MBTPS1: variants seen among roughly 807,000 people sequenced by gnomAD.
The protein encoded by MBTPS1 is membrane bound transcription factor peptidase, site 1, also known as membrane-bound transcription factor site-1 protease.
A neutral mutation model predicts 127.8 loss-of-function variants in MBTPS1; 94 were observed. That is an observed-to-expected ratio of 0.74 (90% confidence interval 0.62 to 0.87). MBTPS1 has a LOEUF of 0.87. Among genes scored for constraint, MBTPS1 ranks in the 40% least tolerant of loss-of-function variants. The pLI is 0.00. For missense variants in MBTPS1, 1,636 were observed against 1,353.2 expected (o/e 1.21, Z -3.28); for synonymous variants, 632 against 509.4 (o/e 1.24, Z -3.24).
intron 1 of MBTPS1, among the ~76,000 whole-genome samples, chr16:84,102,406 T>C (rs1166610243): frequency 2.6e-5 from 4 of 152,226 alleles, no homozygotes; most frequent in Non-Finnish European, 5.9e-5. Flanking sequence ...ATGAAACATA[T>C]TATTTCATTT....
chr16:84,106,688 G>A (rs545809991), intron 1 of MBTPS1, among the ~76,000 whole-genome samples: 12 of 152,344 alleles, frequency 7.9e-5, no homozygotes, highest in Admixed American at 2.0e-4. Flanking sequence ...TCCTGAGCAC[G>A]TGTGGCTTGT....
chr16:84,087,318 T>C, intron 9 of MBTPS1, 40 bp downstream of exon 9: 1 of 1,509,022 alleles, frequency 6.6e-7, no homozygotes. Flanking sequence ...CACAGTAGTT[T>C]GTCCAGCTAA....
chr16:84,095,888 A>G, intron 3 of MBTPS1, 83 bp from the exon 4 acceptor site: 2 of 1,104,248 alleles, frequency 1.8e-6, no homozygotes, highest in East Asian at 2.4e-5. Flanking sequence ...TCCTAAACAC[A>G]GGGAGGATTA....
intron 6 of MBTPS1, among the ~76,000 whole-genome samples, chr16:84,092,768 G>A (rs2086126736): frequency 6.6e-6 from 1 of 152,232 alleles, no homozygotes; most frequent in Non-Finnish European, 1.5e-5. Flanking sequence ...CACAATGCCA[G>A]GTGTCGGGAC....
At chr16:84,057,564 G>A (rs3785015) in intron 21 of MBTPS1, 49,070 of 152,106 alleles carry the variant, frequency 0.32, 8,467 homozygotes, top group Admixed American at 0.43. Flanking sequence ...TGATGCCAAC[G>A]AAGAAGCCCA....
chr16:84,083,396 G>A (rs550976342), intron 10 of MBTPS1, among the ~76,000 whole-genome samples: 4 of 152,104 alleles, frequency 2.6e-5, no homozygotes, highest in African/African-American at 9.7e-5. Context: ...ACATTCTCAA[G>A]AATTTGGCTG....
rs183514340 is a variant in MBTPS1 at position 84,063,971 on chromosome 16, G to C, written c.2432-526C>G. On this transcript the variant is annotated intron_variant, in intron 18 of 22. Coordinates refer to ENST00000343411, the MANE Select transcript of MBTPS1 (RefSeq NM_003791.4). ...TCCACATATTTATATTTAGGTTTAA[G>C]ACATCGGTTACATTAATTTCACAAA... 5.3e-5 allele frequency among the ~76,000 whole-genome samples: 8 copies of C among 152,304 alleles called. No individual in the cohort carries two copies. The East Asian group carries it at 1.3e-3, about 26-fold the overall frequency.
intron 9 of MBTPS1, chr16:84,085,840 T>C (rs1490745853): frequency 6.6e-6 from 1 of 151,748 alleles, no homozygotes; most frequent in African/African-American, 2.4e-5. Context: ...TTAGAAAAAT[T>C]AGAAAATTAA....
chr16:84,068,716 T>A (rs1013039029), intron 14 of MBTPS1, among the ~76,000 whole-genome samples: 6 of 152,192 alleles, frequency 3.9e-5, no homozygotes, highest in African/African-American at 9.7e-5. Flanking sequence ...GCCAAAGACA[T>A]GTTTAATGTG....
intron 22 of MBTPS1, among the ~76,000 whole-genome samples, chr16:84,055,397 C>T (rs1019041221): frequency 6.6e-6 from 1 of 152,206 alleles, no homozygotes. Context: ...ACAGGGGACT[C>T]TAGAGCAAAA....
chr16:84,066,765 T>G, intron 16 of MBTPS1, 152 bp from the exon 17 acceptor site: 1 of 723,138 alleles, frequency 1.4e-6, no homozygotes, highest in Non-Finnish European at 2.2e-6. Flanking sequence ...TGGGTTTGGG[T>G]AAAACTGCAA....
At chr16:84,074,166 T>C (rs1305491058) in intron 12 of MBTPS1, among the ~76,000 whole-genome samples, 1 of 152,084 alleles carries the variant, frequency 6.6e-6, no homozygotes, top group Non-Finnish European at 1.5e-5. Flanking sequence ...CCCTGACTTA[T>C]TCTGTAACAG....
At chr16:84,090,172 G>A (rs1021773715) in intron 8 of MBTPS1, among the ~76,000 whole-genome samples, 4 of 152,108 alleles carry the variant, frequency 2.6e-5, no homozygotes, top group Non-Finnish European at 4.4e-5. Flanking sequence ...CAGAAACTTC[G>A]AGCACAAGAA....
chr16:84,097,203 G>C (rs1442663649), intron 3 of MBTPS1, among the ~76,000 whole-genome samples: 2 of 152,318 alleles, frequency 1.3e-5, no homozygotes, highest in East Asian at 3.9e-4. Context: ...GTGGGATGCA[G>C]AGTGAGAATG....
chr16:84,093,715 G>T lies in MBTPS1; in HGVS notation c.732C>A (p.Asp244Glu), dbSNP rs577719378. The T allele has an allele frequency of 5.0e-6, 8 of 1,610,656 alleles. 1 individual carries two copies. The South Asian group carries it at 7.7e-5, about 15-fold the overall frequency. The part of the protein sequence containing the change: ...RTNWTNERTL[D>E]DGLGHGTFVA... The stretch of plus-strand genomic sequence containing the variant: ...CTCACTGCTGCTGAGACCCACCATC[G>T]TCCAGCGTTCGCTCGTTGGTCCAGT... The change falls in exon 5 of 23, where the codon GAC becomes GAA. Residue 244 changes from aspartate to glutamate, a missense_variant. Transcript: ENST00000343411.
chr16:84,105,506 G>C (rs972471984), intron 1 of MBTPS1, among the ~76,000 whole-genome samples: 2 of 152,174 alleles, frequency 1.3e-5, no homozygotes, highest in Non-Finnish European at 2.9e-5. Flanking sequence ...AGCTCTGGAA[G>C]AATCTGAGCT....
At chr16:84,091,063 TTA>T in intron 7 of MBTPS1, 121 bp from the exon 8 acceptor site, 1 of 774,580 alleles carries the variant, frequency 1.3e-6, no homozygotes, top group Non-Finnish European at 2.2e-6. Flanking sequence ...CACTGGCCCA[TTA>T]TAAAGGCGGA....
chr16:84,058,818 T>C (rs899215744), intron 21 of MBTPS1, among the ~76,000 whole-genome samples: 1 of 152,118 alleles, frequency 6.6e-6, no homozygotes, highest in African/African-American at 2.4e-5. Flanking sequence ...CAGCCTGCCA[T>C]CGGAGGCGGG....
chr16:84,056,152 T>G lies in MBTPS1; in HGVS notation c.2832-17A>C. On this transcript the variant is annotated splice_polypyrimidine_tract_variant and intron_variant, in intron 21 of 22. Coordinates refer to ENST00000343411, the MANE Select transcript of MBTPS1 (RefSeq NM_003791.4). ...CAAAGGTTACTTCAGGAAAATGGATTAAAACAAAACAAAAATAAGCCATTG... is the reference window on the plus strand; with the variant it reads ...CAAAGGTTACTTCAGGAAAATGGATGAAAACAAAACAAAAATAAGCCATTG... 2 of 1,610,180 alleles carry G rather than the reference T, an allele frequency of 1.2e-6. No homozygotes were observed. Among genetic ancestry groups the G allele is most frequent in the Non-Finnish European group, 1.7e-6 (2 of 1,176,718 alleles).
Sources: allele counts gnomAD v4.1 joint callset (sites outside exome capture counted in the v4.1 genomes callset), GRCh38; gene constraint gnomAD v4.1.1; transcripts MANE v1.5; gene names NCBI Gene and HGNC (gene_info 2026-07-23, HGNC 2026-07-21).